The following FNDC3A variants were observed in gnomAD, a reference collection of about 807,000 sequenced individuals.
FNDC3A encodes the protein fibronectin type III domain containing 3A, also known as fibronectin type-III domain-containing protein 3A.
FNDC3A carries 32 observed loss-of-function variants against 148.9 expected under a neutral mutation model. The observed-to-expected ratio is 0.21, with a 90% CI of 0.16 to 0.29. The LOEUF (loss-of-function observed/expected upper bound fraction) is 0.29. Among genes scored for constraint, FNDC3A ranks in the 10% least tolerant of loss-of-function variants. The pLI, the probability that FNDC3A is intolerant of heterozygous loss-of-function variation, is 1.00. For synonymous variants in FNDC3A, 472 were observed against 473.6 expected, an observed-to-expected ratio of 1.00 and a Z score of 0.04; for missense variants, 1,191 against 1,452.8, an observed-to-expected ratio of 0.82 and a Z score of 2.93.
Position 49,049,967 on chromosome 13 carries a change from C to A in FNDC3A, c.100-25322C>A, listed in dbSNP as rs1875715789. 2.0e-5 allele frequency among the ~76,000 whole-genome samples: 3 copies of A among 152,150 alleles called. No homozygotes were observed. In the South Asian group the frequency reaches 6.2e-4, roughly 32 times the overall value. ...ACTCCTGACCTCAGGTGATCCACCCCTCTTGGCCTCCCAAAGTGCTGAGAT... is the reference window on the plus strand; with the variant it reads ...ACTCCTGACCTCAGGTGATCCACCCATCTTGGCCTCCCAAAGTGCTGAGAT... On this transcript the variant is annotated intron_variant, in intron 2 of 25. Coordinates refer to ENST00000492622, the MANE Select transcript of FNDC3A (RefSeq NM_001079673.2).
chr13:49,110,964 G>A lies in FNDC3A; in HGVS notation c.176-3691G>A, dbSNP rs140988958. ...ACTCTTCTGCAGGTTTTTGAAATAG[G>A]AAATGTATCCTTAATAGCTCCATGA... On this transcript the variant is annotated intron_variant, in intron 3 of 25. Coordinates refer to ENST00000492622, the MANE Select transcript of FNDC3A (RefSeq NM_001079673.2). 1.5e-3 allele frequency among the ~76,000 whole-genome samples: 227 copies of A among 152,252 alleles called. 2 individuals are homozygous for A. The highest frequency in any genetic ancestry group is 4.4e-3 in the Admixed American group (68 of 15,300).
At chr13:48,982,678 C>A (rs75448527) in intron 1 of FNDC3A, among the ~76,000 whole-genome samples, 1,891 of 152,240 alleles carry the variant, frequency 0.012, 14 homozygotes, top group Non-Finnish European at 0.02. Flanking sequence ...ATTATAATTT[C>A]CTTTGTCTTT....
At position 49,089,616 on chromosome 13, in the gene FNDC3A, T is replaced by C. The variant is rs74832237; in HGVS notation, c.175+14252T>C. ...ATGTGGGTGGGCTCTGGGAACTGAC[T>C]GTGGTCCCTGGCTACCCACCAGAAA... On this transcript the variant is annotated intron_variant, in intron 3 of 25. Coordinates refer to ENST00000492622, the MANE Select transcript of FNDC3A (RefSeq NM_001079673.2). Among the ~76,000 whole-genome samples the C allele has an allele frequency of 9.2e-5, 14 of 152,324 alleles. No individual in the cohort carries two copies. The East Asian group carries it at 2.7e-3, about 29-fold the overall frequency.
chr13:49,110,323 C>A, intron 3 of FNDC3A: 1 of 1,563,298 alleles, frequency 6.4e-7, no homozygotes, highest in Non-Finnish European at 8.6e-7. Context: ...AGCCGTTCTC[C>A]AATTAAAGCT....
chr13:49,018,609 G>A (rs1284614395), intron 2 of FNDC3A, among the ~76,000 whole-genome samples: 1 of 152,298 alleles, frequency 6.6e-6, no homozygotes, highest in Admixed American at 6.5e-5. Context: ...GCTCGTCAAA[G>A]TCATTCTCTG....
chr13:49,155,415 T>C (rs1883600022), intron 8 of FNDC3A, among the ~76,000 whole-genome samples: 1 of 151,338 alleles, frequency 6.6e-6, no homozygotes, highest in South Asian at 2.1e-4. Flanking sequence ...TCTCTTTTTT[T>C]CTTTATTAGT....
At chr13:49,009,599 T>A (rs1415011714) in intron 2 of FNDC3A, among the ~76,000 whole-genome samples, 2 of 152,232 alleles carry the variant, frequency 1.3e-5, no homozygotes, top group Non-Finnish European at 2.9e-5. Flanking sequence ...ACTTGAGATA[T>A]CTTTTCCTGA....
In FNDC3A at chr13:49,019,308, G is replaced by A. The variant is rs192458152; in HGVS notation, c.99+13019G>A. ...GGTGCGGGATATAATCTTCTGGTGC[G>A]CCGTTTTTTAAGCCCGTCGGAAAAG... On this transcript the variant is annotated intron_variant, in intron 2 of 25. Coordinates refer to ENST00000492622, the MANE Select transcript of FNDC3A (RefSeq NM_001079673.2). 7.6e-3 allele frequency among the ~76,000 whole-genome samples: 1,164 copies of A among 152,362 alleles called. 20 individuals carry two copies. The highest frequency in any genetic ancestry group is 0.027 in the African/African-American group (1,103 of 41,584).
intron 3 of FNDC3A, among the ~76,000 whole-genome samples, chr13:49,109,638 C>G (rs1245054299): frequency 2.0e-5 from 3 of 152,134 alleles, no homozygotes; most frequent in Non-Finnish European, 4.4e-5. Flanking sequence ...AACTCTGAAC[C>G]TGCACCTGAG....
chr13:49,138,673 T>C lies in FNDC3A; in HGVS notation c.761-74T>C, dbSNP rs189809180. 7.0e-4 allele frequency: 474 copies of C among 673,630 alleles called. 3 individuals carry two copies. The African/African-American group carries it at 8.0e-3, about 11-fold the overall frequency. 41.7% of individuals were successfully genotyped at this position (673,630 alleles called of 1,614,324 possible). ...CTCAAATACCAACCTAGTTTCAGAA[T>C]ACATATTTAGGGAGAAGAAGGGATT... On this transcript the variant is annotated intron_variant, in intron 6 of 25. Transcript: ENST00000492622.
At chr13:49,179,500 T>C (rs558165310) in intron 14 of FNDC3A, among the ~76,000 whole-genome samples, 2 of 152,344 alleles carry the variant, frequency 1.3e-5, no homozygotes, top group South Asian at 4.1e-4. Flanking sequence ...TTAACACCCA[T>C]TGGTGATACT....
chr13:49,153,214 A>C (rs1566287769), intron 8 of FNDC3A, among the ~76,000 whole-genome samples: 1 of 150,832 alleles, frequency 6.6e-6, no homozygotes, highest in African/African-American at 2.4e-5. Context: ...TGCCATTCTA[A>C]CTGGTGTGAG....
intron 2 of FNDC3A, among the ~76,000 whole-genome samples, chr13:49,059,621 A>G (rs1024009983): frequency 2.0e-5 from 3 of 151,922 alleles, no homozygotes; most frequent in Non-Finnish European, 4.4e-5. Flanking sequence ...ATGCCTGGCT[A>G]ATTTTTGTAT....
In FNDC3A at chr13:49,207,150, G is replaced by T. The variant is rs746376183; in HGVS notation, c.3352G>T (p.Val1118Leu). 1.2e-6 allele frequency: 2 copies of T among 1,614,160 alleles called. No homozygotes were observed. Among genetic ancestry groups the T allele is most frequent in the East Asian group, 2.2e-5 (1 of 44,878 alleles). The change falls in exon 26 of 26, where the codon GTA becomes TTA. Residue 1118 changes from valine to leucine, a missense_variant. Coordinates refer to ENST00000492622, the MANE Select transcript of FNDC3A (RefSeq NM_001079673.2). ...LQLNCEYRFR[V>L]CAIRQCQDSL... Reference sequence around the variant, plus strand: ...GCTGAACTGTGAATATCGCTTCCGTGTATGTGCCATTCGCCAGTGCCAAGA... The same window carrying T: ...GCTGAACTGTGAATATCGCTTCCGTTTATGTGCCATTCGCCAGTGCCAAGA...
intron 3 of FNDC3A, among the ~76,000 whole-genome samples, chr13:49,084,935 A>G (rs1878708849): frequency 6.6e-6 from 1 of 152,034 alleles, no homozygotes; most frequent in South Asian, 2.1e-4. Context: ...GGGGGCAGTT[A>G]TTGTCAACTC....
chr13:49,093,725 G>T (rs1004688307), intron 3 of FNDC3A, among the ~76,000 whole-genome samples: 1 of 152,084 alleles, frequency 6.6e-6, no homozygotes. Flanking sequence ...TCCAAACCAT[G>T]TACTTGCTTC....
intron 2 of FNDC3A, 53 bp downstream of exon 2, chr13:49,006,342 C>T: frequency 9.8e-7 from 1 of 1,016,926 alleles, no homozygotes; most frequent in Non-Finnish European, 1.5e-6. Flanking sequence ...TGTATTTATG[C>T]AAAATTTAAA....
At chr13:49,153,440 T>C (rs1262885535) in intron 8 of FNDC3A, among the ~76,000 whole-genome samples, 2 of 152,106 alleles carry the variant, frequency 1.3e-5, no homozygotes, top group African/African-American at 4.8e-5. Flanking sequence ...ATGAGTAGGT[T>C]GCAAAAATTT....
intron 4 of FNDC3A, among the ~76,000 whole-genome samples, chr13:49,115,294 C>T (rs544840596): frequency 1.3e-4 from 20 of 152,160 alleles, no homozygotes; most frequent in African/African-American, 4.6e-4. Context: ...TGAACACAGG[C>T]AAACTGAATT....
Sources: allele counts gnomAD v4.1 joint callset (sites outside exome capture counted in the v4.1 genomes callset), GRCh38; gene constraint gnomAD v4.1.1; transcripts MANE v1.5; gene names NCBI Gene and HGNC (gene_info 2026-07-23, HGNC 2026-07-21).